The following RBFOX1 variants were observed in gnomAD, a reference collection of about 807,000 sequenced individuals.
RBFOX1 encodes RNA binding protein fox-1 homolog 1.
A neutral mutation model predicts 57.7 loss-of-function variants in RBFOX1; 8 were observed. The ratio of observed to expected loss-of-function variants is 0.14; its 90% CI spans 0.08 to 0.25. RBFOX1 has a LOEUF of 0.25. Among genes scored for constraint, RBFOX1 ranks in the 10% least tolerant of loss-of-function variants. The pLI is 1.00. For missense variants in RBFOX1, 611 were observed against 548.5 expected, an observed-to-expected ratio of 1.11 and a Z score of -1.14; for synonymous variants, 326 against 222.4, an observed-to-expected ratio of 1.47 and a Z score of -4.15.
At chr16:7,654,018 G>C in intron 12 of RBFOX1, 71 bp downstream of exon 12, 1 of 1,424,972 alleles carries the variant, frequency 7.0e-7, no homozygotes, top group Non-Finnish European at 9.2e-7. Flanking sequence ...GGAGCTGTTT[G>C]CGAGCGCATG....
At chr16:7,118,644 C>G (rs1448326281) in intron 4 of RBFOX1, among the ~76,000 whole-genome samples, 1 of 152,102 alleles carries the variant, frequency 6.6e-6, no homozygotes, top group African/African-American at 2.4e-5. Context: ...CTGTCATATT[C>G]CATTGGTTAG....
chr16:7,143,724 C>T (rs1010582418), intron 4 of RBFOX1, among the ~76,000 whole-genome samples: 7 of 152,082 alleles, frequency 4.6e-5, no homozygotes, highest in Non-Finnish European at 1.0e-4. Flanking sequence ...TTTGATCATA[C>T]ATTCATCCAT....
intron 3 of RBFOX1, among the ~76,000 whole-genome samples, chr16:5,650,192 C>G (rs2049188890): frequency 6.6e-6 from 1 of 152,212 alleles, no homozygotes; most frequent in Non-Finnish European, 1.5e-5. Flanking sequence ...TAAGACGAGG[C>G]TCTCAATCTT....
intron 3 of RBFOX1, among the ~76,000 whole-genome samples, chr16:5,711,752 T>C (rs2051495527): frequency 6.6e-6 from 1 of 152,224 alleles, no homozygotes. Context: ...TCAGGTTTGC[T>C]TTTTGAGGAA....
intron 9 of RBFOX1, among the ~76,000 whole-genome samples, chr16:7,606,925 G>A (rs1381460445): frequency 6.6e-6 from 1 of 152,078 alleles, no homozygotes; most frequent in East Asian, 1.9e-4. Flanking sequence ...ATGCAGAGGG[G>A]TGTGATGGAT....
rs568395289 is a variant in RBFOX1 at position 7,713,258 on chromosome 16, T to C, written c.*2513T>C. On this transcript the variant is annotated 3_prime_UTR_variant, in exon 16 of 16. Transcript: ENST00000550418. ...GTGTATATCTGTCTTTAGAAATTAG[T>C]GTTTATATCACTTACAGTGGTTTGT... is the stretch of plus-strand genomic sequence containing the variant. 1 of 152,346 alleles carries C rather than the reference T, an allele frequency of 6.6e-6. No individual in the cohort carries two copies. The highest frequency in any genetic ancestry group is 2.4e-5 in the African/African-American group (1 of 41,574). 9.4% of individuals were successfully genotyped at this position (152,346 alleles called of 1,614,324 possible).
intron 14 of RBFOX1, among the ~76,000 whole-genome samples, chr16:7,681,382 A>G (rs1261279209): frequency 2.6e-5 from 4 of 152,150 alleles, no homozygotes; most frequent in Admixed American, 6.6e-5. Context: ...CTTATGCACA[A>G]AAGATTGTAC....
chr16:5,412,890 C>T (rs1369833084), intron 1 of RBFOX1, among the ~76,000 whole-genome samples: 1 of 152,144 alleles, frequency 6.6e-6, no homozygotes, highest in Non-Finnish European at 1.5e-5. Flanking sequence ...TGCTGGAATT[C>T]CCCAGCGAGA....
intron 4 of RBFOX1, among the ~76,000 whole-genome samples, chr16:5,916,321 T>C (rs997957402): frequency 1.1e-4 from 17 of 152,206 alleles, no homozygotes; most frequent in Non-Finnish European, 2.5e-4. Flanking sequence ...GTTTGTCTTC[T>C]ATTTGTTTTT....
At chr16:5,850,044 C>G (rs546021720) in intron 3 of RBFOX1, among the ~76,000 whole-genome samples, 113 of 152,324 alleles carry the variant, frequency 7.4e-4, no homozygotes, top group African/African-American at 2.6e-3. Flanking sequence ...CACCTTCTGT[C>G]TCCACCAGTT....
chr16:6,722,162 C>A (rs1379937401), intron 3 of RBFOX1, among the ~76,000 whole-genome samples: 2 of 152,146 alleles, frequency 1.3e-5, no homozygotes, highest in Non-Finnish European at 2.9e-5. Context: ...GTGGTACATA[C>A]CCAAAAATGG....
chr16:6,516,053 A>C (rs183553520), intron 2 of RBFOX1, among the ~76,000 whole-genome samples: 1 of 151,938 alleles, frequency 6.6e-6, no homozygotes, highest in Non-Finnish European at 1.5e-5. Context: ...TCCCAGAGCA[A>C]TGGTACACTC....
chr16:6,999,308 C>T (rs534278349), intron 3 of RBFOX1, among the ~76,000 whole-genome samples: 10 of 150,168 alleles, frequency 6.7e-5, no homozygotes, highest in South Asian at 2.1e-4. Flanking sequence ...CCACCTGCCT[C>T]GGCCTCCAAA....
chr16:5,688,405 A>G (rs930071844), intron 3 of RBFOX1, among the ~76,000 whole-genome samples: 3 of 152,252 alleles, frequency 2.0e-5, no homozygotes, highest in Non-Finnish European at 4.4e-5. Context: ...GGGATAATTT[A>G]TGTCTGTACA....
chr16:7,590,322 G>A (rs1022453597), intron 7 of RBFOX1, among the ~76,000 whole-genome samples: 1 of 151,518 alleles, frequency 6.6e-6, no homozygotes, highest in Non-Finnish European at 1.5e-5. Flanking sequence ...ATTCCAGGTA[G>A]TATCTATATT....
At chr16:6,258,713 T>C (rs1441957512) in intron 1 of RBFOX1, among the ~76,000 whole-genome samples, 1 of 152,198 alleles carries the variant, frequency 6.6e-6, no homozygotes, top group Non-Finnish European at 1.5e-5. Flanking sequence ...AGGGGGACTA[T>C]AGTTAATAAT....
chr16:6,109,990 A>T (rs1341409804), intron 1 of RBFOX1, among the ~76,000 whole-genome samples: 1 of 152,134 alleles, frequency 6.6e-6, no homozygotes, highest in Non-Finnish European at 1.5e-5. Context: ...GTCTCTAATA[A>T]TTACCATTAT....
chr16:7,248,051 C>T (rs1017631384), intron 4 of RBFOX1, among the ~76,000 whole-genome samples: 2 of 152,062 alleles, frequency 1.3e-5, no homozygotes, highest in African/African-American at 4.8e-5. Context: ...TAAAAGTTAA[C>T]CTTAAAAAAA....
At chr16:6,339,625 A>G (rs143696887) in intron 2 of RBFOX1, among the ~76,000 whole-genome samples, 1 of 151,818 alleles carries the variant, frequency 6.6e-6, no homozygotes, top group African/African-American at 2.4e-5. Flanking sequence ...TGGATTTGAT[A>G]AACATCTTAA....
Sources: gnomAD v4.1 joint callset for allele counts (sites outside exome capture counted in the v4.1 genomes callset) on GRCh38, gnomAD v4.1.1 for gene constraint, MANE v1.5 for transcripts, NCBI Gene and HGNC (gene_info 2026-07-23, HGNC 2026-07-21) for gene names.